The following RGS22 variants were observed in gnomAD, a reference collection of about 807,000 sequenced individuals.
RGS22 encodes the protein regulator of G-protein signaling 22.
In RGS22, 148 loss-of-function variants were observed where a neutral mutation model predicts 172.9. The ratio of observed to expected loss-of-function variants is 0.86; its 90% confidence interval spans 0.75 to 0.98. The LOEUF (loss-of-function observed/expected upper bound fraction) is 0.98. Among genes scored for constraint, RGS22 ranks in the 50% least tolerant of loss-of-function variants. The pLI is 0.00. For synonymous variants in RGS22, 458 were observed against 480.2 expected, an observed-to-expected ratio of 0.95 and a Z score of 0.60; for missense variants, 1,347 against 1,440.8, an observed-to-expected ratio of 0.93 and a Z score of 1.05.
intron 19 of RGS22, 82 bp downstream of exon 19, chr8:99,999,179 AT>A (rs1268386151): frequency 4.8e-6 from 6 of 1,246,468 alleles, no homozygotes; most frequent in Non-Finnish European, 5.4e-6. Flanking sequence ...AAAAAGGACA[AT>A]GGCTGGGTCA....
intron 2 of RGS22, among the ~76,000 whole-genome samples, chr8:100,103,787 G>A (rs1473762659): frequency 6.6e-6 from 1 of 152,218 alleles, no homozygotes; most frequent in African/African-American, 2.4e-5. Context: ...AGAGAACTCG[G>A]AGACAGTGAA....
In RGS22 at chr8:99,978,009, CT is replaced by C; in HGVS notation, c.3426del (p.Asp1143MetfsTer5). On this transcript the variant is annotated frameshift_variant, in exon 23 of 28. Transcript: ENST00000360863. LOFTEE classifies it high-confidence loss of function. ...TCTAAAACACTCATAATATTTTCATCTGTTAAATTCTTCCTAAACTCACAGA... is the reference window on the plus strand; with the variant it reads ...TCTAAAACACTCATAATATTTTCATCGTTAAATTCTTCCTAAACTCACAGA... ...PQFCEFRKNL[T>X]DENIMSVLER... 2 of 1,548,018 alleles carry C rather than the reference CT, an allele frequency of 1.3e-6. No homozygotes were observed. The highest frequency in any genetic ancestry group is 1.7e-6 in the Non-Finnish European group (2 of 1,156,788).
chr8:100,070,690 A>G (rs1234765870), intron 6 of RGS22, among the ~76,000 whole-genome samples: 3 of 152,230 alleles, frequency 2.0e-5, no homozygotes, highest in African/African-American at 7.2e-5. Flanking sequence ...TATGCCAAAA[A>G]AAAGAGAGCA....
intron 22 of RGS22, among the ~76,000 whole-genome samples, chr8:99,980,790 A>T (rs1812473398): frequency 6.6e-6 from 1 of 152,136 alleles, no homozygotes; most frequent in Non-Finnish European, 1.5e-5. Flanking sequence ...TTACCGTCAG[A>T]CTCAAGGCCT....
At chr8:100,068,509 A>G (rs1156305914) in intron 6 of RGS22, among the ~76,000 whole-genome samples, 1 of 152,206 alleles carries the variant, frequency 6.6e-6, no homozygotes, top group Non-Finnish European at 1.5e-5. Context: ...CTTATATTTA[A>G]TTAAATTCAC....
intron 14 of RGS22, among the ~76,000 whole-genome samples, chr8:100,029,702 CAAAAAA>C (rs369058108): frequency 4.8e-5 from 3 of 62,016 alleles, no homozygotes; most frequent in Admixed American, 2.0e-4. Context: ...AACTCCGTCT[CAAAAAA>C]AAAAAAAAAA....
At chr8:100,035,467 C>A (rs1327878666) in intron 14 of RGS22, among the ~76,000 whole-genome samples, 1 of 152,120 alleles carries the variant, frequency 6.6e-6, no homozygotes, top group Admixed American at 6.6e-5. Flanking sequence ...ACAACAGATG[C>A]TGGAGAGGAT....
rs558886369 is a variant in RGS22 at position 100,027,441 on chromosome 8, C to T, written c.2166+11490G>A. On this transcript the variant is annotated intron_variant, in intron 14 of 27. Transcript: ENST00000360863. Reference sequence around the variant, plus strand: ...GTAACTGAATATTATAAAGGAGATTCTTAAAAGGTTGTGATTCAATGTAGT... The same window carrying T: ...GTAACTGAATATTATAAAGGAGATTTTTAAAAGGTTGTGATTCAATGTAGT... 3.9e-5 allele frequency among the ~76,000 whole-genome samples: 6 copies of T among 152,170 alleles called. No homozygotes were observed. The East Asian group carries it at 1.2e-3, about 29-fold the overall frequency.
chr8:100,029,389 G>T (rs1045111396), intron 14 of RGS22, among the ~76,000 whole-genome samples: 2 of 152,084 alleles, frequency 1.3e-5, no homozygotes, highest in East Asian at 1.9e-4. Flanking sequence ...CGTTTAAAAT[G>T]ATTAGAGACA....
At chr8:100,071,627 ATCTCC>A (rs975261681) in intron 5 of RGS22, 90 bp from the exon 6 acceptor site, 12 of 934,354 alleles carry the variant, frequency 1.3e-5, no homozygotes, top group African/African-American at 5.1e-5. Context: ...ATTCAAGCCA[ATCTCC>A]TCTCCTCACT....
intron 14 of RGS22, among the ~76,000 whole-genome samples, chr8:100,024,562 A>G (rs1316735296): frequency 1.3e-5 from 2 of 152,192 alleles, no homozygotes; most frequent in Non-Finnish European, 2.9e-5. Flanking sequence ...CTACAGTCTC[A>G]CGGAGAAAAA....
chr8:100,099,214 C>G (rs1449967871), intron 2 of RGS22, among the ~76,000 whole-genome samples: 2 of 152,046 alleles, frequency 1.3e-5, no homozygotes, highest in Non-Finnish European at 2.9e-5. Flanking sequence ...GCGCCTGGCC[C>G]AGACTCCCTT....
At chr8:100,010,417 C>T (rs1201818486) in intron 14 of RGS22, among the ~76,000 whole-genome samples, 4 of 152,012 alleles carry the variant, frequency 2.6e-5, no homozygotes, top group Admixed American at 1.3e-4. Context: ...ACCCAGGAGG[C>T]GGAGGTTGCA....
chr8:100,031,063 G>T (rs903921599), intron 14 of RGS22, among the ~76,000 whole-genome samples: 1 of 152,088 alleles, frequency 6.6e-6, no homozygotes, highest in Non-Finnish European at 1.5e-5. Flanking sequence ...ACAGATTTCC[G>T]TATACATGTC....
intron 11 of RGS22, among the ~76,000 whole-genome samples, chr8:100,043,166 T>G (rs2131614886): frequency 6.6e-6 from 1 of 152,310 alleles, no homozygotes; most frequent in African/African-American, 2.4e-5. Context: ...CATTGCTAGT[T>G]AGGTTTCTGG....
At chr8:99,990,221 A>G (rs1813567457) in intron 20 of RGS22, among the ~76,000 whole-genome samples, 1 of 152,172 alleles carries the variant, frequency 6.6e-6, no homozygotes, top group South Asian at 2.1e-4. Context: ...ATAATGAGCT[A>G]TGATCATACT....
rs1248626352 is a variant in RGS22 at position 99,987,467 on chromosome 8, T to G, written c.3171A>C (p.Gln1057His). The change falls in exon 21 of 28, where the codon CAA becomes CAC. Residue 1057 changes from glutamine (Q) to histidine (H), a missense_variant. Gln to His is a conservative substitution (Grantham distance 24). Coordinates refer to ENST00000360863, the MANE Select transcript of RGS22 (RefSeq NM_015668.5). ...ENGLLFWQEV[Q>H]KYKDLCHSHC... Reference sequence around the variant, plus strand: ...GCTCCCAATACAATACCTTATATTTTTGTACTTCTTGCCAAAAGAGTAAAC... The same window carrying G: ...GCTCCCAATACAATACCTTATATTTGTGTACTTCTTGCCAAAAGAGTAAAC... The G allele has an allele frequency of 2.5e-6, 4 of 1,605,104 alleles. No homozygotes were observed. In the South Asian group the frequency reaches 3.3e-5, roughly 13 times the overall value.
rs539205702 is a variant in RGS22, at chr8:99,963,031, A to T, written c.3616-53T>A. The stretch of plus-strand genomic sequence containing the variant: ...TCTGAAATGTTTGCTTTAGGAAATA[A>T]ACTGAAGATAAGATGTCTTCTATCA... On this transcript the variant is annotated intron_variant, in intron 24 of 27. Transcript: ENST00000360863. The T allele has an allele frequency of 2.8e-6, 4 of 1,408,958 alleles. No homozygotes were observed. In the South Asian group the frequency reaches 5.7e-5, roughly 20 times the overall value. 87.3% of individuals were successfully genotyped at this position (1,408,958 alleles called of 1,614,324 possible). A position where few individuals can be genotyped will look rare whatever the true frequency, so the allele number is the denominator to read the frequency against.
chr8:100,017,674 C>T (rs1010373586), intron 14 of RGS22, among the ~76,000 whole-genome samples: 1 of 151,910 alleles, frequency 6.6e-6, no homozygotes, highest in Non-Finnish European at 1.5e-5. Context: ...AAACAACACA[C>T]TTAAAATCTT....
Sources: allele counts gnomAD v4.1 joint callset (sites outside exome capture counted in the v4.1 genomes callset), GRCh38; gene constraint gnomAD v4.1.1; transcripts MANE v1.5; gene names NCBI Gene and HGNC (gene_info 2026-07-23, HGNC 2026-07-21).